The following OPCML variants were observed in gnomAD, a reference collection of about 807,000 sequenced individuals.
OPCML encodes the protein opioid-binding protein/cell adhesion molecule.
A neutral mutation model predicts 37.8 loss-of-function variants in OPCML; 13 were observed. The ratio of observed to expected loss-of-function variants is 0.34; its 90% CI spans 0.22 to 0.55. The LOEUF (loss-of-function observed/expected upper bound fraction) is 0.55, where lower values mean the gene tolerates loss of function less well. OPCML is among the 20% of genes least tolerant of loss of function. The pLI, the probability that OPCML is intolerant of heterozygous loss-of-function variation, is 0.91. For missense variants in OPCML, 341 were observed against 435.6 expected, an observed-to-expected ratio of 0.78 and a Z score of 1.93; for synonymous variants, 176 against 168.8, an observed-to-expected ratio of 1.04 and a Z score of -0.33.
chr11:133,480,610 C>T (rs116912130), intron 1 of OPCML, among the ~76,000 whole-genome samples: 2,228 of 152,326 alleles, frequency 0.015, 115 homozygotes, highest in Admixed American at 0.1. Flanking sequence ...CATTCTCTAC[C>T]AGGTCTGGAT....
At chr11:132,707,372 C>G (rs990072084) in intron 2 of OPCML, among the ~76,000 whole-genome samples, 1 of 152,116 alleles carries the variant, frequency 6.6e-6, no homozygotes, top group African/African-American at 2.4e-5. Flanking sequence ...TTGCTCTAAG[C>G]AGAAACATTA....
intron 2 of OPCML, among the ~76,000 whole-genome samples, chr11:132,660,735 T>C (rs1941935980): frequency 6.6e-6 from 1 of 152,200 alleles, no homozygotes; most frequent in African/African-American, 2.4e-5. Flanking sequence ...CAGGTGCCAT[T>C]GCCTTTAGTG....
chr11:132,524,265 C>A (rs1397061209), intron 4 of OPCML, among the ~76,000 whole-genome samples: 1 of 152,180 alleles, frequency 6.6e-6, no homozygotes, highest in East Asian at 1.9e-4. Context: ...TCTTGAAGTG[C>A]AGCTGATTCA....
chr11:133,212,257 C>T lies in OPCML; in HGVS notation c.62-269247G>A, dbSNP rs2136343558. Among the ~76,000 whole-genome samples the T allele has an allele frequency of 6.6e-6, 1 of 152,294 alleles. No homozygotes were observed. Among genetic ancestry groups the T allele is most frequent in the African/African-American group, 2.4e-5 (1 of 41,566 alleles). ...CACCACCCCGATAGGTGCACAAAGT[C>T]CTCCTAATAGTCCGTGACAGCCTAC... On this transcript the variant is annotated intron_variant, in intron 1 of 7. Coordinates refer to ENST00000524381, the MANE Select transcript of OPCML (RefSeq NM_001012393.5). The surrounding 1 kb of genome is among the most constrained non-coding windows in gnomAD (Gnocchi z 4.9).
Position 133,410,322 on chromosome 11 carries a change from C to T in OPCML, c.61+121942G>A, listed in dbSNP as rs564849901. On this transcript the variant is annotated intron_variant, in intron 1 of 7. Transcript: ENST00000524381. ...CTGATGGTTGTCCAAATTCATCTGA[C>T]GACCCTAATACTCCCATCTCCATAA... 6.6e-5 allele frequency among the ~76,000 whole-genome samples: 10 copies of T among 152,260 alleles called. No individual in the cohort carries two copies. In the East Asian group the frequency reaches 1.9e-3, roughly 29 times the overall value.
chr11:132,874,038 G>T (rs1238819996), intron 2 of OPCML, among the ~76,000 whole-genome samples: 1 of 152,160 alleles, frequency 6.6e-6, no homozygotes, highest in African/African-American at 2.4e-5. Context: ...CATAACACCA[G>T]CTCAGGGTTA....
intron 1 of OPCML, among the ~76,000 whole-genome samples, chr11:133,331,709 G>A (rs1565576692): frequency 6.6e-6 from 1 of 151,648 alleles, no homozygotes; most frequent in Non-Finnish European, 1.5e-5. Flanking sequence ...ATTTCTATTT[G>A]AAATTTTAGC....
intron 1 of OPCML, chr11:133,004,510 C>T (rs2135632): frequency 0.61 from 604,414 of 985,242 alleles, 186,414 homozygotes; most frequent in African/African-American, 0.8. Flanking sequence ...CCTCTGCAGA[C>T]GACCGAGGTC....
At chr11:133,333,400 T>A (rs1592210241) in intron 1 of OPCML, among the ~76,000 whole-genome samples, 1 of 151,620 alleles carries the variant, frequency 6.6e-6, no homozygotes, top group Non-Finnish European at 1.5e-5. Flanking sequence ...AAAAAAAAAC[T>A]CCCTATTCAG....
Position 132,598,077 on chromosome 11 carries a change from A to G in OPCML, c.379+59010T>C, listed in dbSNP as rs563187292. ...CATTCATAGTTCCGTTCTTTCTCTCATTCTACCAATAATTATTAAACATAT... is the reference window on the plus strand; with the variant it reads ...CATTCATAGTTCCGTTCTTTCTCTCGTTCTACCAATAATTATTAAACATAT... On this transcript the variant is annotated intron_variant, in intron 3 of 7. Transcript: ENST00000524381. 2.0e-5 allele frequency among the ~76,000 whole-genome samples: 3 copies of G among 151,966 alleles called. No individual in the cohort carries two copies. In the South Asian group the frequency reaches 6.2e-4, roughly 32 times the overall value.
chr11:133,327,003 G>T (rs1943485678), intron 1 of OPCML, among the ~76,000 whole-genome samples: 1 of 143,234 alleles, frequency 7.0e-6, no homozygotes, highest in African/African-American at 2.6e-5. Flanking sequence ...GGGGGTGTGG[G>T]TGTATGGGGA....
chr11:133,301,015 T>A (rs1321896177), intron 1 of OPCML: 2 of 152,154 alleles, frequency 1.3e-5, no homozygotes, highest in African/African-American at 2.4e-5. Flanking sequence ...AGAATAAATT[T>A]ATGTTATTTC....
intron 1 of OPCML, among the ~76,000 whole-genome samples, chr11:132,977,333 T>C (rs1017370081): frequency 6.6e-6 from 1 of 152,002 alleles, no homozygotes; most frequent in Non-Finnish European, 1.5e-5. Flanking sequence ...AAGGTCTACC[T>C]CTCTCTCTCT....
At chr11:132,552,109 G>A (rs2096383068) in intron 3 of OPCML, among the ~76,000 whole-genome samples, 1 of 152,314 alleles carries the variant, frequency 6.6e-6, no homozygotes, top group South Asian at 2.1e-4. Flanking sequence ...AGATTACAAG[G>A]CCCTGCCTCA....
Position 133,258,639 on chromosome 11 carries a change from G to A in OPCML, c.61+273625C>T, listed in dbSNP as rs113277543. Among the ~76,000 whole-genome samples the A allele has an allele frequency of 8.6e-3, 1,314 of 152,232 alleles. 13 individuals are homozygous for A. The highest frequency in any genetic ancestry group is 0.014 in the Middle Eastern group (4 of 294). On this transcript the variant is annotated intron_variant, in intron 1 of 7. Coordinates refer to ENST00000524381, the MANE Select transcript of OPCML (RefSeq NM_001012393.5). ...ACAGTTGCCAGTTGCCTTCCTGAGC[G>A]TTTGCCGAGCTGGGTCACTGGGGAC... is the stretch of plus-strand genomic sequence containing the variant.
chr11:133,484,036 A>AGAT (rs1947465587), intron 1 of OPCML, among the ~76,000 whole-genome samples: 1 of 46,950 alleles, frequency 2.1e-5, no homozygotes, highest in Admixed American at 2.0e-4. Flanking sequence ...CAGATTAGAT[A>AGAT]GATAGATAGA....
intron 1 of OPCML, among the ~76,000 whole-genome samples, chr11:133,097,645 G>A (rs1194715001): frequency 1.3e-5 from 2 of 151,974 alleles, no homozygotes; most frequent in Admixed American, 6.5e-5. Flanking sequence ...GAAAAAAAGA[G>A]AGAACAACCA....
At chr11:133,117,035 C>A (rs1414979560) in intron 1 of OPCML, among the ~76,000 whole-genome samples, 1 of 152,056 alleles carries the variant, frequency 6.6e-6, no homozygotes, top group South Asian at 2.1e-4. Context: ...TAATTCCATA[C>A]AACTCATTAA....
In OPCML at chr11:133,117,906, T is replaced by C. The variant is rs1466873452; in HGVS notation, c.62-174896A>G. ...CACTTTATCAAATGAAGTCTTCAAA[T>C]AATATTCAAAAAGATGTTTCCAGAA... is the stretch of plus-strand genomic sequence containing the variant. On this transcript the variant is annotated intron_variant, in intron 1 of 7. Transcript: ENST00000524381. 3.0e-6 allele frequency: 3 copies of C among 985,168 alleles called. No individual in the cohort carries two copies. In the African/African-American group the frequency reaches 5.2e-5, roughly 17 times the overall value. 61.0% of individuals were successfully genotyped at this position (985,168 alleles called of 1,614,324 possible). A position where few individuals can be genotyped will look rare whatever the true frequency, so the allele number is the denominator to read the frequency against.
Sources: gnomAD v4.1 joint callset for allele counts (sites outside exome capture counted in the v4.1 genomes callset) on GRCh38, gnomAD v4.1.1 for gene constraint, Gnocchi (gnomAD v3.1) non-coding constraint, MANE v1.5 for transcripts, NCBI Gene and HGNC (gene_info 2026-07-23, HGNC 2026-07-21) for gene names.